LRP2BP: variants seen among roughly 807,000 people sequenced by gnomAD.
The protein encoded by LRP2BP is LRP2 binding protein.
Under a neutral mutation model 45.2 loss-of-function variants are expected in LRP2BP, and 38 were observed. That is an observed-to-expected ratio of 0.84 (90% CI 0.65 to 1.10). The LOEUF (loss-of-function observed/expected upper bound fraction) is 1.10. Ranked by LOEUF, LRP2BP falls within the 50% of genes least tolerant of loss-of-function variation. The pLI is 0.00. For missense variants in LRP2BP, 385 were observed against 418.9 expected (o/e 0.92, Z 0.71); for synonymous variants, 153 against 153.9 (o/e 0.99, Z 0.04).
intron 1 of LRP2BP, among the ~76,000 whole-genome samples, chr4:185,386,085 CA>C (rs1373142528): frequency 6.6e-6 from 1 of 152,120 alleles, no homozygotes; most frequent in Non-Finnish European, 1.5e-5. Flanking sequence ...AAATGAAAAA[CA>C]AAACAAAGAG....
At chr4:185,385,830 G>A (rs1383828167) in intron 1 of LRP2BP, among the ~76,000 whole-genome samples, 1 of 151,706 alleles carries the variant, frequency 6.6e-6, no homozygotes, top group African/African-American at 2.4e-5. Flanking sequence ...AAACCCGGAA[G>A]GTGGAGGTTG....
upstream of LRP2BP, chr4:185,396,456 A>G: frequency 6.3e-6 from 1 of 158,856 alleles, no homozygotes; most frequent in Non-Finnish European, 1.4e-5. Flanking sequence ...CACTACCGGG[A>G]GACGTGTCAA....
chr4:185,378,230 A>C, intron 1 of LRP2BP, 23 bp from the exon 2 acceptor site: 1 of 1,603,616 alleles, frequency 6.2e-7, no homozygotes, highest in Non-Finnish European at 8.5e-7. Flanking sequence ...AGAAAAAATA[A>C]GTGGTAGAAA....
intron 1 of LRP2BP, chr4:185,378,471 T>A: frequency 3.3e-6 from 4 of 1,202,966 alleles, no homozygotes; most frequent in Non-Finnish European, 4.2e-6. Context: ...CCTGTCTGGC[T>A]ATGGGTTTAT....
chr4:185,371,982 CG>C (rs2095417684), intron 7 of LRP2BP, among the ~76,000 whole-genome samples: 1 of 152,132 alleles, frequency 6.6e-6, no homozygotes, highest in Non-Finnish European at 1.5e-5. Flanking sequence ...TCTGTCTCCC[CG>C]ACCCACTGCT....
chr4:185,365,695 ATAATAATAAT>A lies in LRP2BP; in HGVS notation c.*1475_*1484del, dbSNP rs2095385563. Reference sequence around the variant, plus strand: ...ACTCCGTCTCAAAAAAAAAAAAATAATAATAATAATAATAATAATAATCTTTAGGAACTGG... The same window carrying A: ...ACTCCGTCTCAAAAAAAAAAAAATAAAATAATAATAATCTTTAGGAACTGG... On this transcript the variant is annotated 3_prime_UTR_variant, in exon 9 of 9. Transcript: ENST00000505916. 3.5e-5 allele frequency: 5 copies of A among 143,314 alleles called. No homozygotes were observed. Among genetic ancestry groups the A allele is most frequent in the African/African-American group, 1.3e-4 (5 of 37,618 alleles). The allele number at this position is 143,314 out of a possible 1,614,324, so 8.9% of individuals were successfully genotyped here.
rs28428553 is a variant in LRP2BP at position 185,366,726 on chromosome 4, T to C, written c.*454A>G. ...ACTGAAAATTTAAATTTTAAATGAC[T>C]GAAACAAAATTTAAACATTATTATT... On this transcript the variant is annotated 3_prime_UTR_variant, in exon 9 of 9. Transcript: ENST00000505916. 38,821 of 152,162 alleles carry C rather than the reference T, an allele frequency of 0.26. 5,281 individuals carry two copies. Among genetic ancestry groups the C allele is most frequent in the African/African-American group, 0.35 (14,363 of 41,462 alleles). 9.4% of individuals were successfully genotyped at this position (152,162 alleles called of 1,614,324 possible).
chr4:185,389,407 T>C (rs1010503073), intron 1 of LRP2BP, among the ~76,000 whole-genome samples: 1 of 151,638 alleles, frequency 6.6e-6, no homozygotes, highest in African/African-American at 2.4e-5. Context: ...AGACGGGGTT[T>C]CACTATGTTG....
chr4:185,377,876 T>C, intron 2 of LRP2BP: 1 of 503,660 alleles, frequency 2.0e-6, no homozygotes, highest in Non-Finnish European at 3.5e-6. Context: ...AATCAAGACC[T>C]AACTATCTGT....
chr4:185,373,191 C>T, intron 6 of LRP2BP, 112 bp from the exon 7 acceptor site: 1 of 1,000,746 alleles, frequency 1.0e-6, no homozygotes, highest in Non-Finnish European at 1.5e-6. Flanking sequence ...TTAATCATCT[C>T]TAGGAAAGAG....
chr4:185,367,245 C>A lies in LRP2BP; in HGVS notation c.979G>T (p.Ala327Ser), dbSNP rs774957920. ...ETTAKHYYSK[A>S]CRLNPALADE... ...GCCAATGCGGGATTCAGACGACAAGCCTTAAAATCAAAAAGAGTCAGATAT... is the reference window on the plus strand; with the variant it reads ...GCCAATGCGGGATTCAGACGACAAGACTTAAAATCAAAAAGAGTCAGATAT... The change falls in exon 9 of 9, where the codon GCT (alanine) becomes TCT (serine). Residue 327 changes from alanine (A) to serine (S), a missense_variant and splice_region_variant. Physicochemically the swap from Ala to Ser is moderately conservative, Grantham distance 99. Coordinates refer to ENST00000505916, the MANE Select transcript of LRP2BP (RefSeq NM_001377440.1). 1 of 1,609,170 alleles carries A rather than the reference C, an allele frequency of 6.2e-7. No homozygotes were observed. The highest frequency in any genetic ancestry group is 8.5e-7 in the Non-Finnish European group (1 of 1,177,420).
At chr4:185,388,735 AAATG>A (rs1344827536) in intron 1 of LRP2BP, among the ~76,000 whole-genome samples, 5 of 152,206 alleles carry the variant, frequency 3.3e-5, no homozygotes, top group Admixed American at 3.3e-4. Context: ...TATATTGTTT[AAATG>A]AAGAAAATAG....
chr4:185,388,190 A>G (rs1198192039), intron 1 of LRP2BP, among the ~76,000 whole-genome samples: 1 of 152,156 alleles, frequency 6.6e-6, no homozygotes, highest in Non-Finnish European at 1.5e-5. Flanking sequence ...GTGGCTTCTC[A>G]CATCCCACAT....
In LRP2BP at chr4:185,365,742, A is replaced by C. The variant is rs186724379; in HGVS notation, c.*1438T>G. 5.0e-4 allele frequency: 76 copies of C among 151,746 alleles called. 3 individuals are homozygous for C. The East Asian group carries it at 0.014, about 29-fold the overall frequency. 9.4% of individuals were successfully genotyped at this position (151,746 alleles called of 1,614,324 possible). ...TCTTTAGGAACTGGATTAAGTGTGG[A>C]GAAGAGAATACTAGTTGGGAATTTG... is the stretch of plus-strand genomic sequence containing the variant. On this transcript the variant is annotated 3_prime_UTR_variant, in exon 9 of 9. Coordinates refer to ENST00000505916, the MANE Select transcript of LRP2BP (RefSeq NM_001377440.1).
At chr4:185,388,104 G>A (rs530100376) in intron 1 of LRP2BP, among the ~76,000 whole-genome samples, 21 of 152,296 alleles carry the variant, frequency 1.4e-4, no homozygotes, top group African/African-American at 4.8e-4. Context: ...TCAGGCCTGT[G>A]GCACAGCTAG....
chr4:185,369,194 G>A (rs1054709367), intron 8 of LRP2BP, among the ~76,000 whole-genome samples: 1 of 150,436 alleles, frequency 6.6e-6, no homozygotes, highest in Non-Finnish European at 1.5e-5. Flanking sequence ...ACCTGAAATC[G>A]GCTTGGTTTG....
At chr4:185,376,147 G>T (rs2095436645) in intron 3 of LRP2BP, among the ~76,000 whole-genome samples, 2 of 152,040 alleles carry the variant, frequency 1.3e-5, no homozygotes, top group Non-Finnish European at 2.9e-5. Context: ...CTACTTCCCA[G>T]GCCACCCCAA....
At chr4:185,380,692 G>A (rs1196955510) in intron 1 of LRP2BP, among the ~76,000 whole-genome samples, 1 of 152,144 alleles carries the variant, frequency 6.6e-6, no homozygotes, top group Non-Finnish European at 1.5e-5. Flanking sequence ...TCAGGAGTTA[G>A]CACTCAGATA....
At chr4:185,393,657 C>G (rs1003536373) in intron 1 of LRP2BP, among the ~76,000 whole-genome samples, 39 of 151,910 alleles carry the variant, frequency 2.6e-4, no homozygotes, top group African/African-American at 9.0e-4. Context: ...TCCGGAGTAA[C>G]TGGGATTACA....
Sources: gnomAD v4.1 joint callset for allele counts (sites outside exome capture counted in the v4.1 genomes callset) on GRCh38, gnomAD v4.1.1 for gene constraint, MANE v1.5 for transcripts, NCBI Gene and HGNC (gene_info 2026-07-23, HGNC 2026-07-21) for gene names.